Variants in GRM7 observed in about 807,000 individuals in gnomAD.
GRM7 encodes the protein metabotropic glutamate receptor 7.
In GRM7, 35 loss-of-function variants were observed where a neutral mutation model predicts 84.5. The ratio of observed to expected loss-of-function variants is 0.41; its 90% CI spans 0.32 to 0.55. GRM7 has a LOEUF of 0.55. Among genes scored for constraint, GRM7 ranks in the 20% least tolerant of loss-of-function variants. The pLI is 0.19. For synonymous variants in GRM7, 487 were observed against 455.1 expected, an observed-to-expected ratio of 1.07 and a Z score of -0.89; for missense variants, 1,003 against 1,194.6, an observed-to-expected ratio of 0.84 and a Z score of 2.36.
chr3:7,548,529 G>C (rs902326290), intron 7 of GRM7, among the ~76,000 whole-genome samples: 1 of 152,216 alleles, frequency 6.6e-6, no homozygotes, highest in Non-Finnish European at 1.5e-5. Flanking sequence ...ATTTGTGAGG[G>C]AAAATCCAGA....
chr3:7,470,637 T>G (rs1698661628), intron 7 of GRM7, among the ~76,000 whole-genome samples: 1 of 152,200 alleles, frequency 6.6e-6, no homozygotes, highest in Non-Finnish European at 1.5e-5. Context: ...AATCACTTCA[T>G]GTTTAATAAT....
intron 4 of GRM7, among the ~76,000 whole-genome samples, chr3:7,388,456 A>G (rs771196308): frequency 6.6e-6 from 1 of 152,142 alleles, no homozygotes; most frequent in Non-Finnish European, 1.5e-5. Context: ...CTAGTTTTGT[A>G]AAATGAGTTA....
rs76295458 is a variant in GRM7, at chr3:7,512,072, G to A, written c.1515+50350G>A. 5.4e-3 allele frequency among the ~76,000 whole-genome samples: 823 copies of A among 152,120 alleles called. 20 individuals are homozygous for A. In the East Asian group the frequency reaches 0.063, roughly 12 times the overall value. ...AGGTGGGAGGATCACTTGAACCCAGGAAGGAATTGGAGACTACAGTGAGAT... is the reference window on the plus strand; with the variant it reads ...AGGTGGGAGGATCACTTGAACCCAGAAAGGAATTGGAGACTACAGTGAGAT... On this transcript the variant is annotated intron_variant, in intron 7 of 9. Coordinates refer to ENST00000357716, the MANE Select transcript of GRM7 (RefSeq NM_000844.4).
At chr3:7,266,047 G>T (rs1462399600) in intron 2 of GRM7, among the ~76,000 whole-genome samples, 1 of 152,068 alleles carries the variant, frequency 6.6e-6, no homozygotes, top group Non-Finnish European at 1.5e-5. Context: ...TGAGTCCCCG[G>T]TGCATCTCTA....
At chr3:7,600,853 T>C (rs576811247) in intron 8 of GRM7, among the ~76,000 whole-genome samples, 3 of 152,282 alleles carry the variant, frequency 2.0e-5, no homozygotes, top group South Asian at 2.1e-4. Context: ...CTATTTTGTA[T>C]GCAAATCTCT....
intron 1 of GRM7, among the ~76,000 whole-genome samples, chr3:7,071,409 A>G (rs1697878418): frequency 6.6e-6 from 1 of 152,130 alleles, no homozygotes; most frequent in Admixed American, 6.6e-5. Context: ...TAAAGAGGAA[A>G]AATATTCCAT....
intron 1 of GRM7, among the ~76,000 whole-genome samples, chr3:7,036,321 A>G (rs1034678635): frequency 2.0e-5 from 3 of 152,214 alleles, no homozygotes; most frequent in Admixed American, 2.0e-4. Flanking sequence ...TAACTCCTAT[A>G]GCTAATTTAA....
At chr3:7,268,121 C>T (rs1459036900) in intron 2 of GRM7, among the ~76,000 whole-genome samples, 5 of 152,020 alleles carry the variant, frequency 3.3e-5, no homozygotes, top group Admixed American at 6.6e-5. Context: ...GACTCCCATA[C>T]AGATAGAAAA....
intron 7 of GRM7, among the ~76,000 whole-genome samples, chr3:7,469,828 G>A (rs1197505023): frequency 6.6e-6 from 1 of 152,124 alleles, no homozygotes; most frequent in Admixed American, 6.5e-5. Flanking sequence ...ATTTTGATTT[G>A]TAAATCAAAA....
intron 4 of GRM7, among the ~76,000 whole-genome samples, chr3:7,324,715 T>C (rs1297439130): frequency 6.6e-6 from 1 of 152,194 alleles, no homozygotes; most frequent in Non-Finnish European, 1.5e-5. Flanking sequence ...CTCGACTTCA[T>C]TTAAAGCCGT....
intron 4 of GRM7, among the ~76,000 whole-genome samples, chr3:7,310,917 C>T (rs998966069): frequency 1.3e-5 from 2 of 152,114 alleles, no homozygotes; most frequent in African/African-American, 4.8e-5. Context: ...CTCTGAGCCC[C>T]ATTATAAGTC....
intron 1 of GRM7, among the ~76,000 whole-genome samples, chr3:7,094,027 C>G (rs1698768019): frequency 6.6e-6 from 1 of 152,096 alleles, no homozygotes; most frequent in African/African-American, 2.4e-5. Flanking sequence ...TAATTACTCT[C>G]TTTTACTGAT....
chr3:7,391,235 C>T (rs1694980302), intron 4 of GRM7, among the ~76,000 whole-genome samples: 1 of 151,992 alleles, frequency 6.6e-6, no homozygotes, highest in African/African-American at 2.4e-5. Context: ...GGCTGCAGTC[C>T]AGTAGATGGC....
chr3:7,143,531 G>A (rs1358700904), intron 1 of GRM7, among the ~76,000 whole-genome samples: 13 of 152,188 alleles, frequency 8.5e-5, no homozygotes, highest in Admixed American at 8.5e-4. Context: ...TATTTACACC[G>A]GAAGGGATAG....
At chr3:7,644,181 T>TATGTCTGTACATATAC (rs1698506862) in intron 8 of GRM7, among the ~76,000 whole-genome samples, 1 of 116,510 alleles carries the variant, frequency 8.6e-6, no homozygotes, top group African/African-American at 3.4e-5. Context: ...TGTACATATA[T>TATGTCTGTACATATAC]ATATGTCTGT....
intron 4 of GRM7, among the ~76,000 whole-genome samples, chr3:7,383,281 G>C (rs1341069712): frequency 1.3e-5 from 2 of 152,146 alleles, no homozygotes; most frequent in Non-Finnish European, 2.9e-5. Flanking sequence ...CTATTGAGTG[G>C]GTACCTGTGT....
At chr3:6,909,560 G>A (rs1297739006) in intron 1 of GRM7, among the ~76,000 whole-genome samples, 1 of 152,032 alleles carries the variant, frequency 6.6e-6, no homozygotes, top group East Asian at 1.9e-4. Context: ...TCAATTGTTG[G>A]TCCAATTGTT....
chr3:7,237,327 T>C (rs1474618121), intron 2 of GRM7, among the ~76,000 whole-genome samples: 1 of 152,186 alleles, frequency 6.6e-6, no homozygotes, highest in African/African-American at 2.4e-5. Context: ...TCCTGTAGAA[T>C]AGCTAGTGAA....
At chr3:6,997,242 T>C (rs1183359171) in intron 1 of GRM7, among the ~76,000 whole-genome samples, 1 of 152,218 alleles carries the variant, frequency 6.6e-6, no homozygotes, top group Non-Finnish European at 1.5e-5. Flanking sequence ...GCGACTTTTC[T>C]AAAGTGATAA....
Sources: gnomAD v4.1 joint callset for allele counts (sites outside exome capture counted in the v4.1 genomes callset) on GRCh38, gnomAD v4.1.1 for gene constraint, MANE v1.5 for transcripts, NCBI Gene and HGNC (gene_info 2026-07-23, HGNC 2026-07-21) for gene names.